TTC8: variants seen among roughly 807,000 people sequenced by gnomAD.
TTC8 encodes the protein tetratricopeptide repeat domain 8.
A neutral mutation model predicts 72.5 loss-of-function variants in TTC8; 47 were observed. The ratio of observed to expected loss-of-function variants is 0.65; its 90% confidence interval spans 0.51 to 0.83. TTC8 has a LOEUF of 0.83. TTC8 is among the 40% of genes least tolerant of loss of function. The pLI is 0.00. For synonymous variants in TTC8, 199 were observed against 221.4 expected (o/e 0.90, Z 0.90); for missense variants, 611 against 623.2 (o/e 0.98, Z 0.21).
intron 10 of TTC8, among the ~76,000 whole-genome samples, chr14:88,867,252 T>C (rs1044761648): frequency 1.3e-5 from 2 of 152,198 alleles, no homozygotes; most frequent in Non-Finnish European, 2.9e-5. Context: ...TTATAGCATG[T>C]TTTTTGGTTA....
At chr14:88,862,586 A>ATATATATATG (rs2094892394) in intron 10 of TTC8, among the ~76,000 whole-genome samples, 4 of 76,080 alleles carry the variant, frequency 5.3e-5, no homozygotes, top group African/African-American at 1.1e-4. Flanking sequence ...ATATATATAT[A>ATATATATATG]TATATATATA....
chr14:88,865,233 A>G (rs1016404113), intron 10 of TTC8, among the ~76,000 whole-genome samples: 6 of 152,126 alleles, frequency 3.9e-5, no homozygotes, highest in Non-Finnish European at 7.4e-5. Flanking sequence ...CTGTGTATGA[A>G]ATTACCTTGG....
intron 10 of TTC8, among the ~76,000 whole-genome samples, chr14:88,862,650 A>G (rs1395663202): frequency 3.0e-5 from 4 of 135,208 alleles, no homozygotes; most frequent in Non-Finnish European, 4.7e-5. Context: ...TGACGTAATC[A>G]TAACTCACTG....
intron 10 of TTC8, among the ~76,000 whole-genome samples, chr14:88,866,102 A>G (rs1326482401): frequency 6.6e-6 from 1 of 152,180 alleles, no homozygotes; most frequent in East Asian, 1.9e-4. Flanking sequence ...AGAAGAAAAC[A>G]CAGATGAATT....
At chr14:88,874,807 C>T (rs956395687) in intron 13 of TTC8, among the ~76,000 whole-genome samples, 12 of 151,950 alleles carry the variant, frequency 7.9e-5, no homozygotes, top group African/African-American at 2.9e-4. Flanking sequence ...TCTTATGAAG[C>T]ATTTATTATT....
chr14:88,827,332 G>A (rs1283041625), intron 1 of TTC8, among the ~76,000 whole-genome samples: 3 of 152,134 alleles, frequency 2.0e-5, no homozygotes, highest in African/African-American at 7.2e-5. Flanking sequence ...TATGAGCAAG[G>A]GTTGATATGT....
intron 9 of TTC8, among the ~76,000 whole-genome samples, chr14:88,859,119 A>C (rs1438214269): frequency 6.6e-6 from 1 of 152,086 alleles, no homozygotes; most frequent in African/African-American, 2.4e-5. Flanking sequence ...AACTATATAG[A>C]GGTAGAATAT....
At chr14:88,870,917 G>A (rs61580364) in intron 11 of TTC8, among the ~76,000 whole-genome samples, 5,224 of 152,238 alleles carry the variant, frequency 0.034, 308 homozygotes, top group African/African-American at 0.12. Context: ...GGTTTCTCAC[G>A]GCAGCTGGGC....
chr14:88,877,283 A>AT lies in TTC8; in HGVS notation c.1432-5dup. The AT allele has an allele frequency of 1.2e-6, 2 of 1,607,852 alleles. No homozygotes were observed. Among genetic ancestry groups the AT allele is most frequent in the Non-Finnish European group, 1.7e-6 (2 of 1,175,012 alleles). On this transcript the variant is annotated splice_polypyrimidine_tract_variant and intron_variant, in intron 14 of 14. Coordinates refer to ENST00000380656, the MANE Select transcript of TTC8 (RefSeq NM_144596.4). ...TCTCATTCCATGGTCTTATTCTTGTATTTTTTGCAGATTGGAGATCTGCAG... is the reference window on the plus strand; with the variant it reads ...TCTCATTCCATGGTCTTATTCTTGTATTTTTTTGCAGATTGGAGATCTGCAG...
intron 7 of TTC8, among the ~76,000 whole-genome samples, chr14:88,848,548 A>G (rs1055876150): frequency 2.0e-5 from 3 of 152,224 alleles, no homozygotes; most frequent in Non-Finnish European, 1.5e-5. Flanking sequence ...GCAAAACTAT[A>G]TCTAACCTAA....
intron 10 of TTC8, among the ~76,000 whole-genome samples, chr14:88,862,345 G>A (rs927118562): frequency 1.1e-4 from 17 of 150,804 alleles, no homozygotes; most frequent in African/African-American, 4.1e-4. Flanking sequence ...TTGTTTTCTT[G>A]TTTAGTTATT....
At chr14:88,844,243 A>G (rs1036722028) in intron 7 of TTC8, among the ~76,000 whole-genome samples, 1 of 152,220 alleles carries the variant, frequency 6.6e-6, no homozygotes, top group African/African-American at 2.4e-5. Context: ...CCTTTTCCCC[A>G]TCATTAACGT....
chr14:88,846,674 AT>A lies in TTC8; in HGVS notation c.624+2825del, dbSNP rs1380276195. 5 of 1,435,254 alleles carry A rather than the reference AT, an allele frequency of 3.5e-6. No individual in the cohort carries two copies. In the East Asian group the frequency reaches 9.9e-5, roughly 29 times the overall value. The allele number at this position is 1,435,254 out of a possible 1,614,324, so 88.9% of individuals were successfully genotyped here. ...AGGAATAAAAATCACATTGAAAAAA[AT>A]GTAAGATTTATTCCCTGCACTACTG... On this transcript the variant is annotated intron_variant, in intron 7 of 14. Coordinates refer to ENST00000380656, the MANE Select transcript of TTC8 (RefSeq NM_144596.4).
chr14:88,862,588 A>ATG (rs2094892471), intron 10 of TTC8, among the ~76,000 whole-genome samples: 1 of 74,138 alleles, frequency 1.3e-5, no homozygotes, highest in South Asian at 4.6e-4. Context: ...ATATATATAT[A>ATG]TATATATATT....
chr14:88,835,037 A>T (rs2094744136), intron 2 of TTC8, among the ~76,000 whole-genome samples: 1 of 152,176 alleles, frequency 6.6e-6, no homozygotes, highest in Non-Finnish European at 1.5e-5. Context: ...ACACTGTTAC[A>T]ACTTCAAAAG....
intron 2 of TTC8, among the ~76,000 whole-genome samples, chr14:88,836,750 A>G (rs928090152): frequency 1.2e-4 from 19 of 152,160 alleles, no homozygotes; most frequent in African/African-American, 4.6e-4. Flanking sequence ...TGCTGCTATA[A>G]TGATAAAACT....
intron 7 of TTC8, among the ~76,000 whole-genome samples, chr14:88,844,607 T>G (rs2094797319): frequency 1.3e-5 from 2 of 152,042 alleles, no homozygotes; most frequent in African/African-American, 4.8e-5. Flanking sequence ...TGCAGTGGTA[T>G]TATCACGGCT....
intron 10 of TTC8, among the ~76,000 whole-genome samples, chr14:88,865,252 G>A (rs903195556): frequency 6.6e-6 from 1 of 152,170 alleles, no homozygotes; most frequent in African/African-American, 2.4e-5. Flanking sequence ...GGGAGTGGAT[G>A]GGAAGTATGA....
chr14:88,872,455 C>A lies in TTC8; in HGVS notation c.1347+3C>A. 1 of 1,613,564 alleles carries A rather than the reference C, an allele frequency of 6.2e-7. No homozygotes were observed. The highest frequency in any genetic ancestry group is 2.2e-5 in the East Asian group (1 of 44,860). On this transcript the variant is annotated splice_donor_region_variant and intron_variant, in intron 13 of 14. Coordinates refer to ENST00000380656, the MANE Select transcript of TTC8 (RefSeq NM_144596.4). Reference sequence around the variant, plus strand: ...TGCGGAAGGGCCACGTTGAACAGGTCAGTGAACTGGCAGCGGCATGCTGGG... The same window carrying A: ...TGCGGAAGGGCCACGTTGAACAGGTAAGTGAACTGGCAGCGGCATGCTGGG...
Sources: gnomAD v4.1 joint callset for allele counts (sites outside exome capture counted in the v4.1 genomes callset) on GRCh38, gnomAD v4.1.1 for gene constraint, MANE v1.5 for transcripts, NCBI Gene and HGNC (gene_info 2026-07-23, HGNC 2026-07-21) for gene names.